The following GNPTAB variants were observed in gnomAD, a reference collection of about 807,000 sequenced individuals.
GNPTAB encodes the protein N-acetylglucosamine-1-phosphotransferase subunits alpha/beta.
GNPTAB carries 92 observed loss-of-function variants against 136.6 expected under a neutral mutation model. The observed-to-expected ratio is 0.67, with a 90% CI of 0.57 to 0.80. The LOEUF (loss-of-function observed/expected upper bound fraction) is 0.80. Ranked by LOEUF, GNPTAB falls within the 30% of genes least tolerant of loss-of-function variation. GNPTAB has a pLI of 0.00. For synonymous variants in GNPTAB, 512 were observed against 535.1 expected, an observed-to-expected ratio of 0.96 and a Z score of 0.60; for missense variants, 1,343 against 1,501.8, an observed-to-expected ratio of 0.89 and a Z score of 1.75.
At chr12:101,761,028 T>A (rs1231542947) in intron 15 of GNPTAB, 99 bp downstream of exon 15, 1 of 880,424 alleles carries the variant, frequency 1.1e-6, no homozygotes, top group Non-Finnish European at 1.8e-6. Context: ...TGCCTCAGCA[T>A]CCCAAAGTGC....
intron 1 of GNPTAB, among the ~76,000 whole-genome samples, chr12:101,812,887 G>A (rs758397959): frequency 4.6e-5 from 7 of 152,074 alleles, no homozygotes; most frequent in Non-Finnish European, 8.8e-5. Context: ...TTACTGCAGT[G>A]TCAACCTCCC....
chr12:101,788,413 T>C (rs1343634285), intron 4 of GNPTAB, 135 bp downstream of exon 4: 2 of 700,456 alleles, frequency 2.9e-6, no homozygotes, highest in Non-Finnish European at 5.2e-6. Context: ...GTCTAATAGA[T>C]GTACCTAATT....
intron 1 of GNPTAB, among the ~76,000 whole-genome samples, chr12:101,823,512 A>T (rs1412380926): frequency 6.6e-6 from 1 of 151,674 alleles, no homozygotes; most frequent in African/African-American, 2.4e-5. Flanking sequence ...CGGGAGGCTG[A>T]CACAAGAGAA....
intron 1 of GNPTAB, among the ~76,000 whole-genome samples, chr12:101,806,427 T>C (rs1303245027): frequency 6.6e-6 from 1 of 152,166 alleles, no homozygotes; most frequent in Non-Finnish European, 1.5e-5. Context: ...ACTGAGGAAT[T>C]TAATGGTTAC....
chr12:101,764,716 G>C lies in GNPTAB; in HGVS notation c.2201C>G (p.Ala734Gly), dbSNP rs1240823097. The stretch of plus-strand genomic sequence containing the variant: ...GTTCATCAGAAATGATCTCAGCAAG[G>C]CTGACTTGGACAAATTGTATCCTTT... ...TLKGYNLSKS[A>G]LLRSFLMNSQ... is the part of the protein sequence containing the mutation. The change falls in exon 13 of 21, where the codon GCC becomes GGC. Residue 734 changes from alanine (A) to glycine (G), a missense_variant. Ala to Gly is a moderately conservative substitution (Grantham distance 60). Coordinates refer to ENST00000299314, the MANE Select transcript of GNPTAB (RefSeq NM_024312.5). The C allele has an allele frequency of 1.9e-6, 3 of 1,613,216 alleles. No individual in the cohort carries two copies. In the Admixed American group the frequency reaches 5.0e-5, roughly 27 times the overall value.
rs1464434327 is a variant in GNPTAB, at chr12:101,765,108, G to A, written c.1809C>T (p.His603=). Reference sequence around the variant, plus strand: ...GTATTGTGGTGGCATTCATTCCACTGTGCATTATGAGGTGGATGGTTTTCC... The same window carrying A: ...GTATTGTGGTGGCATTCATTCCACTATGCATTATGAGGTGGATGGTTTTCC... ...NKWKTIHLIM[H]SGMNATTIHF... The change falls in exon 13 of 21, where the codon CAC becomes CAT. Residue 603 remains histidine (H), a synonymous_variant. Transcript: ENST00000299314. 1.2e-6 allele frequency: 2 copies of A among 1,614,074 alleles called. No individual in the cohort carries two copies. Among genetic ancestry groups the A allele is most frequent in the Admixed American group, 3.3e-5 (2 of 60,018 alleles).
At chr12:101,802,857 T>C (rs1193837366) in intron 1 of GNPTAB, among the ~76,000 whole-genome samples, 1 of 152,158 alleles carries the variant, frequency 6.6e-6, no homozygotes, top group African/African-American at 2.4e-5. Flanking sequence ...GCCAGCACCC[T>C]TGAGGACAAT....
intron 1 of GNPTAB, among the ~76,000 whole-genome samples, chr12:101,801,155 C>T (rs530876064): frequency 2.1e-5 from 3 of 143,232 alleles, no homozygotes; most frequent in East Asian, 4.2e-4. Flanking sequence ...TTGTTTGAGC[C>T]CAAGAGGTGG....
intron 12 of GNPTAB, chr12:101,765,817 A>C (rs1953082901): frequency 4.6e-6 from 2 of 430,484 alleles, no homozygotes; most frequent in Non-Finnish European, 8.6e-6. Flanking sequence ...TTTGTTTCCA[A>C]ATTAAAACTT....
chr12:101,791,171 T>C (rs778611206), intron 2 of GNPTAB, among the ~76,000 whole-genome samples: 9 of 152,212 alleles, frequency 5.9e-5, no homozygotes, highest in Non-Finnish European at 1.3e-4. Context: ...AGGCTTTTAA[T>C]TCTTGAGTAT....
At chr12:101,760,285 A>G (rs970416094) in intron 15 of GNPTAB, 142 bp from the exon 16 acceptor site, 1 of 654,050 alleles carries the variant, frequency 1.5e-6, no homozygotes, top group Non-Finnish European at 2.7e-6. Context: ...TTCTTAAGAT[A>G]AAGGCACTCT....
rs775751653 is a variant in GNPTAB at position 101,757,593 on chromosome 12, T to C, written c.3314A>G (p.Tyr1105Cys). The change falls in exon 17 of 21, where the codon TAT (tyrosine) becomes TGT (cysteine). Residue 1105 changes from tyrosine (Y) to cysteine (C), a missense_variant. By Grantham distance (194) the Tyr-to-Cys change is radical. Coordinates refer to ENST00000299314, the MANE Select transcript of GNPTAB (RefSeq NM_024312.5). ...KPVTDKIHKA[Y>C]KDKNKYRFEI... Reference sequence around the variant, plus strand: ...TTACCTATATTTGTTTTTGTCCTTATATGCTTTGTGGATTTTGTCAGTTAC... The same window carrying C: ...TTACCTATATTTGTTTTTGTCCTTACATGCTTTGTGGATTTTGTCAGTTAC... 1.9e-6 allele frequency: 3 copies of C among 1,558,032 alleles called. No homozygotes were observed. Among genetic ancestry groups the C allele is most frequent in the Non-Finnish European group, 2.7e-6 (3 of 1,129,190 alleles).
intron 20 of GNPTAB, among the ~76,000 whole-genome samples, chr12:101,748,526 C>T (rs995363654): frequency 3.9e-5 from 6 of 152,254 alleles, no homozygotes; most frequent in Middle Eastern, 3.4e-3. Flanking sequence ...AATCTCCCTC[C>T]GACTTCTGGA....
chr12:101,773,814 G>A (rs988845980), intron 7 of GNPTAB: 2 of 152,184 alleles, frequency 1.3e-5, no homozygotes, highest in African/African-American at 4.8e-5. Flanking sequence ...GAAGAGAGAA[G>A]GTAGTGTGGG....
At chr12:101,807,519 A>C (rs897055990) in intron 1 of GNPTAB, among the ~76,000 whole-genome samples, 1 of 152,162 alleles carries the variant, frequency 6.6e-6, no homozygotes, top group Non-Finnish European at 1.5e-5. Context: ...TAGAAGAAAA[A>C]AAAAACTGTC....
rs141222937 is a variant in GNPTAB at position 101,786,138 on chromosome 12, T to C, written c.445A>G (p.Ile149Val). The change falls in exon 5 of 21, where the codon ATC becomes GTC. Residue 149 changes from isoleucine (I) to valine (V), a missense_variant. Coordinates refer to ENST00000299314, the MANE Select transcript of GNPTAB (RefSeq NM_024312.5). ...LVLDPALPAN[I>V]TLKDLPSLYP... ...AGAGATGGCAGGTCCTTCAGGGTGATGTTGGCTGGCAGGGCTGGGTCCAGG... is the reference window on the plus strand; with the variant it reads ...AGAGATGGCAGGTCCTTCAGGGTGACGTTGGCTGGCAGGGCTGGGTCCAGG... The C allele has an allele frequency of 1.1e-5, 17 of 1,614,010 alleles. 1 individual carries two copies. Among genetic ancestry groups the C allele is most frequent in the South Asian group, 5.5e-5 (5 of 91,088 alleles).
At chr12:101,823,134 A>T (rs1295241880) in intron 1 of GNPTAB, among the ~76,000 whole-genome samples, 1 of 152,238 alleles carries the variant, frequency 6.6e-6, no homozygotes, top group Admixed American at 6.5e-5. Flanking sequence ...ATCTTCTGAC[A>T]GTCCTCTCAA....
chr12:101,782,128 A>C (rs1048380732), intron 5 of GNPTAB, among the ~76,000 whole-genome samples: 1 of 151,870 alleles, frequency 6.6e-6, no homozygotes, highest in Non-Finnish European at 1.5e-5. Context: ...AAGATGGCAG[A>C]GAAGCTATTG....
rs769171567 is a variant in GNPTAB at position 101,749,220 on chromosome 12, A to G, written c.3603-29T>C. ...TGCAGAGAGAAGAAAGCAACTATGT[A>G]CTTCTGTATATGGTTTCACTACCAT... On this transcript the variant is annotated intron_variant, in intron 19 of 20. Coordinates refer to ENST00000299314, the MANE Select transcript of GNPTAB (RefSeq NM_024312.5). 3 of 1,273,970 alleles carry G rather than the reference A, an allele frequency of 2.4e-6. No individual in the cohort carries two copies. In the Admixed American group the frequency reaches 5.0e-5, roughly 21 times the overall value. 78.9% of individuals were successfully genotyped at this position (1,273,970 alleles called of 1,614,324 possible).
Sources: allele counts gnomAD v4.1 joint callset (sites outside exome capture counted in the v4.1 genomes callset), GRCh38; gene constraint gnomAD v4.1.1; transcripts MANE v1.5; gene names NCBI Gene and HGNC (gene_info 2026-07-23, HGNC 2026-07-21).